TCP11L2: variants seen among roughly 807,000 people sequenced by gnomAD.
TCP11L2 encodes the protein T-complex protein 11-like protein 2.
In TCP11L2, 39 loss-of-function variants were observed where a neutral mutation model predicts 50.7. The ratio of observed to expected loss-of-function variants is 0.77; its 90% CI spans 0.60 to 1.01. The LOEUF (loss-of-function observed/expected upper bound fraction) is 1.01. TCP11L2 is among the 50% of genes least tolerant of loss of function. The pLI is 0.00. For synonymous variants in TCP11L2, 192 were observed against 219.3 expected, an observed-to-expected ratio of 0.88 and a Z score of 1.10; for missense variants, 612 against 614.7, an observed-to-expected ratio of 1.00 and a Z score of 0.05.
chr12:106,324,038 C>T (rs1013715708), intron 6 of TCP11L2: 3 of 152,114 alleles, frequency 2.0e-5, no homozygotes, highest in Non-Finnish European at 2.9e-5. Flanking sequence ...GATACTGCAG[C>T]GAACAGAATG....
intron 1 of TCP11L2, among the ~76,000 whole-genome samples, chr12:106,310,735 GGA>G (rs2136629057): frequency 6.6e-6 from 1 of 152,314 alleles, no homozygotes; most frequent in South Asian, 2.1e-4. Context: ...CAACCCAGGA[GGA>G]GAGAGCATGT....
At chr12:106,326,271 C>T (rs1168087447) in intron 6 of TCP11L2, among the ~76,000 whole-genome samples, 1 of 152,102 alleles carries the variant, frequency 6.6e-6, no homozygotes, top group Non-Finnish European at 1.5e-5. Flanking sequence ...GCACATTGAT[C>T]ATGGAGGCCA....
Position 106,331,939 on chromosome 12 carries a change from C to G in TCP11L2, c.773-3700C>G, listed in dbSNP as rs1168201085. 4.6e-5 allele frequency among the ~76,000 whole-genome samples: 7 copies of G among 152,340 alleles called. No homozygotes were observed. The South Asian group carries it at 8.3e-4, about 18-fold the overall frequency. On this transcript the variant is annotated intron_variant, in intron 6 of 9. Coordinates refer to ENST00000299045, the MANE Select transcript of TCP11L2 (RefSeq NM_152772.3). ...CTCTGTCTTGCTTTCTAAACTGTTG[C>G]AGCAGTCTGTTGCTGATCAGTCTCT... is the stretch of plus-strand genomic sequence containing the variant.
At position 106,340,880 on chromosome 12, in the gene TCP11L2, G is replaced by A; in HGVS notation, c.1197G>A (p.Glu399=). 8.1e-6 allele frequency: 13 copies of A among 1,613,468 alleles called. No homozygotes were observed. The highest frequency in any genetic ancestry group is 1.1e-5 in the Non-Finnish European group (13 of 1,179,736). ...CTATTGGTATTCAGACTTGTGTTGA[G>A]GTTAACAAGACCCTGATGGAAAGAG... is the stretch of plus-strand genomic sequence containing the variant. ...LNSIGIQTCV[E]VNKTLMERGL... Residue 399 remains glutamate (E), a synonymous_variant, in exon 9 of 10, where the codon GAG becomes GAA. Transcript: ENST00000299045.
At chr12:106,338,873 G>T (rs1318430437) in intron 8 of TCP11L2, among the ~76,000 whole-genome samples, 1 of 152,170 alleles carries the variant, frequency 6.6e-6, no homozygotes. Flanking sequence ...GGGCACGGTG[G>T]CTCACACCTG....
At chr12:106,307,892 T>C (rs1029508183) in intron 1 of TCP11L2, among the ~76,000 whole-genome samples, 3 of 152,224 alleles carry the variant, frequency 2.0e-5, no homozygotes, top group Non-Finnish European at 4.4e-5. Context: ...CCAAACACGC[T>C]GCATGTATTG....
intron 1 of TCP11L2, among the ~76,000 whole-genome samples, chr12:106,308,168 T>C (rs2034707376): frequency 6.6e-6 from 1 of 152,206 alleles, no homozygotes; most frequent in African/African-American, 2.4e-5. Context: ...GAAAGTGTAG[T>C]TTCACATTGT....
At chr12:106,303,703 TTAC>T (rs2034514698) in intron 1 of TCP11L2, 1 of 152,220 alleles carries the variant, frequency 6.6e-6, no homozygotes. Flanking sequence ...CTTGTTTTCG[TTAC>T]TATTAAGAAA....
At chr12:106,327,157 T>A (rs2035576291) in intron 6 of TCP11L2, among the ~76,000 whole-genome samples, 1 of 152,058 alleles carries the variant, frequency 6.6e-6, no homozygotes, top group Non-Finnish European at 1.5e-5. Context: ...TATTTGCCTA[T>A]TTTTTTTCTG....
intron 2 of TCP11L2, among the ~76,000 whole-genome samples, 185 bp from the exon 3 acceptor site, chr12:106,314,173 G>A (rs2034974606): frequency 6.6e-6 from 1 of 152,136 alleles, no homozygotes; most frequent in African/African-American, 2.4e-5. Context: ...GCTATTGAAG[G>A]AGTTCTTAAA....
rs1231610763 is a variant in TCP11L2, at chr12:106,323,545, A to G, written c.671A>G (p.Asp224Gly). 2.5e-6 allele frequency: 4 copies of G among 1,608,908 alleles called. No individual in the cohort carries two copies. The East Asian group carries it at 6.7e-5, about 27-fold the overall frequency. ...IFHVLDLMQM[D>G]MANFTIMSLR... is the part of the protein sequence containing the mutation. ...CATGTCCTGGACCTCATGCAAATGG[A>G]CATGGCCAATTTTACAATTATGAGT... The change falls in exon 6 of 10, where the codon GAC becomes GGC. Residue 224 changes from aspartate to glycine, a missense_variant. By Grantham distance (94) the Asp-to-Gly change is moderately conservative. Coordinates refer to ENST00000299045, the MANE Select transcript of TCP11L2 (RefSeq NM_152772.3).
At chr12:106,312,882 G>A (rs2034915122) in intron 2 of TCP11L2, among the ~76,000 whole-genome samples, 1 of 151,452 alleles carries the variant, frequency 6.6e-6, no homozygotes, top group Non-Finnish European at 1.5e-5. Context: ...ACTCTGTCTT[G>A]GGAAAAAAAA....
intron 1 of TCP11L2, among the ~76,000 whole-genome samples, chr12:106,310,258 C>A (rs1460359923): frequency 6.6e-6 from 1 of 152,186 alleles, no homozygotes; most frequent in East Asian, 1.9e-4. Context: ...AGTCTGTTCC[C>A]CCACTTGTGA....
At chr12:106,345,721 A>G (rs994605106) in intron 9 of TCP11L2, among the ~76,000 whole-genome samples, 5 of 152,208 alleles carry the variant, frequency 3.3e-5, no homozygotes, top group African/African-American at 1.2e-4. Flanking sequence ...AAAAAAAATA[A>G]GCATTTATTA....
At chr12:106,329,706 A>G (rs2035680961) in intron 6 of TCP11L2, 5 of 1,100,886 alleles carry the variant, frequency 4.5e-6, no homozygotes, top group Non-Finnish European at 5.5e-6. Context: ...GGGCTCTTAA[A>G]TGTGTCAGCT....
chr12:106,329,485 G>A (rs2035672482), intron 6 of TCP11L2: 1 of 1,512,354 alleles, frequency 6.6e-7, no homozygotes, highest in Non-Finnish European at 8.8e-7. Flanking sequence ...TGCTTTACCG[G>A]TCATTCTCAA....
intron 9 of TCP11L2, among the ~76,000 whole-genome samples, chr12:106,345,565 C>T (rs1450664916): frequency 1.3e-5 from 2 of 152,240 alleles, no homozygotes; most frequent in East Asian, 3.9e-4. Flanking sequence ...TGCCAGTTTA[C>T]AAACTCAGCT....
chr12:106,330,323 C>T, intron 6 of TCP11L2: 1 of 985,256 alleles, frequency 1.0e-6, no homozygotes. Context: ...TATTTGTCAT[C>T]TAAGTCCGTG....
chr12:106,311,449 C>A (rs1030155302), intron 2 of TCP11L2, among the ~76,000 whole-genome samples: 2 of 152,122 alleles, frequency 1.3e-5, no homozygotes, highest in Non-Finnish European at 2.9e-5. Context: ...TCACTGCTTC[C>A]GATCTGTTTC....
Sources: allele counts gnomAD v4.1 joint callset (sites outside exome capture counted in the v4.1 genomes callset), GRCh38; gene constraint gnomAD v4.1.1; transcripts MANE v1.5; gene names NCBI Gene and HGNC (gene_info 2026-07-23, HGNC 2026-07-21).